Variants in TMCO5A observed in about 807,000 individuals in gnomAD.
TMCO5A encodes transmembrane and coiled-coil domains 5A.
Under a neutral mutation model 42.3 loss-of-function variants are expected in TMCO5A, and 34 were observed. The ratio of observed to expected loss-of-function variants is 0.80; its 90% CI spans 0.61 to 1.07. TMCO5A has a LOEUF of 1.07. Ranked by LOEUF, TMCO5A falls within the 50% of genes least tolerant of loss-of-function variation. TMCO5A has a pLI of 0.00. For synonymous variants in TMCO5A, 131 were observed against 115.6 expected (o/e 1.13, Z -0.86); for missense variants, 357 against 327.9 (o/e 1.09, Z -0.69).
the TMCO5A span, among the ~76,000 whole-genome samples, chr15:38,003,666 C>T: frequency 6.6e-6 from 1 of 152,044 alleles, no homozygotes; most frequent in Non-Finnish European, 1.5e-5. Context: ...GAGTCTCTCC[C>T]CATGGTCACC....
At chr15:37,965,469 A>G (rs1890534838) in intron 11 of TMCO5A, among the ~76,000 whole-genome samples, 1 of 152,180 alleles carries the variant, frequency 6.6e-6, no homozygotes, top group Non-Finnish European at 1.5e-5. Context: ...AAGTGAAGAG[A>G]CACTTCACAG....
intron 2 of TMCO5A, among the ~76,000 whole-genome samples, chr15:37,935,600 A>T (rs1323489358): frequency 6.6e-6 from 1 of 152,120 alleles, no homozygotes; most frequent in African/African-American, 2.4e-5. Context: ...CAAACCAATG[A>T]ATTAATTTAC....
the TMCO5A span, among the ~76,000 whole-genome samples, chr15:37,996,753 A>T: frequency 6.6e-6 from 1 of 152,166 alleles, no homozygotes; most frequent in African/African-American, 2.4e-5. Context: ...TAACAATGAT[A>T]ACCATGAGCA....
chr15:37,940,561 T>C (rs1889696152), intron 6 of TMCO5A, among the ~76,000 whole-genome samples: 1 of 152,170 alleles, frequency 6.6e-6, no homozygotes, highest in Non-Finnish European at 1.5e-5. Context: ...TTTTTTTTCC[T>C]TCATAGCACA....
intron 11 of TMCO5A, among the ~76,000 whole-genome samples, chr15:37,965,716 T>C (rs111262761): frequency 0.027 from 4,102 of 152,216 alleles, 158 homozygotes; most frequent in African/African-American, 0.079. Flanking sequence ...AGATATCATC[T>C]CACCCCAGTT....
intron 11 of TMCO5A, among the ~76,000 whole-genome samples, chr15:37,950,103 A>T (rs1890107610): frequency 6.6e-6 from 1 of 152,306 alleles, no homozygotes; most frequent in East Asian, 1.9e-4. Flanking sequence ...TTTATGGTGT[A>T]ATCTAGGAAG....
the TMCO5A span, among the ~76,000 whole-genome samples, chr15:38,023,031 C>A: frequency 2.0e-5 from 3 of 152,170 alleles, no homozygotes; most frequent in East Asian, 3.9e-4. Flanking sequence ...CAATAAAAAT[C>A]CCAGTGGCTT....
At chr15:38,007,373 G>A in the TMCO5A span, among the ~76,000 whole-genome samples, 3 of 152,134 alleles carry the variant, frequency 2.0e-5, no homozygotes, top group African/African-American at 7.2e-5. Context: ...GCTCTTTTAT[G>A]GGAAGCTCTT....
At chr15:37,940,049 G>A (rs1374671251) in intron 6 of TMCO5A, among the ~76,000 whole-genome samples, 1 of 152,010 alleles carries the variant, frequency 6.6e-6, no homozygotes, top group Non-Finnish European at 1.5e-5. Flanking sequence ...CTATCCTTTT[G>A]CAAGCCACCA....
intron 11 of TMCO5A, among the ~76,000 whole-genome samples, chr15:37,962,099 G>T (rs1348411700): frequency 6.6e-6 from 1 of 151,970 alleles, no homozygotes; most frequent in Non-Finnish European, 1.5e-5. Flanking sequence ...GTGAGAGTGG[G>T]CATCCTTCTC....
At chr15:37,982,404 C>T in the TMCO5A span, among the ~76,000 whole-genome samples, 1 of 104,280 alleles carries the variant, frequency 9.6e-6, no homozygotes, top group Non-Finnish European at 1.8e-5. Flanking sequence ...AATCTTATGT[C>T]TTTATAATTC....
At chr15:37,974,303 A>AT in the TMCO5A span, among the ~76,000 whole-genome samples, 1 of 152,070 alleles carries the variant, frequency 6.6e-6, no homozygotes, top group Non-Finnish European at 1.5e-5. Context: ...TCCCTTCTCA[A>AT]TTTTTTGAAA....
chr15:37,971,037 G>C (rs563526651), downstream of TMCO5A, among the ~76,000 whole-genome samples: 1 of 152,338 alleles, frequency 6.6e-6, no homozygotes, highest in African/African-American at 2.4e-5. Context: ...AGCTCCACTA[G>C]GCAGTGCCCC....
the TMCO5A span, among the ~76,000 whole-genome samples, chr15:38,003,860 G>A: frequency 1.3e-5 from 2 of 151,976 alleles, no homozygotes. Flanking sequence ...CTGGAATCAG[G>A]AACCCCAGGA....
downstream of TMCO5A, among the ~76,000 whole-genome samples, chr15:37,954,399 A>G (rs1330729081): frequency 6.6e-6 from 1 of 152,142 alleles, no homozygotes; most frequent in Non-Finnish European, 1.5e-5. Context: ...GACTGCCATG[A>G]TATATTTGAA....
At chr15:37,990,324 T>A in the TMCO5A span, among the ~76,000 whole-genome samples, 1 of 152,120 alleles carries the variant, frequency 6.6e-6, no homozygotes, top group Non-Finnish European at 1.5e-5. Context: ...AATTATTATA[T>A]CTTTTTCCTG....
chr15:37,946,666 G>C (rs115444441), intron 10 of TMCO5A, among the ~76,000 whole-genome samples: 2,494 of 151,918 alleles, frequency 0.016, 78 homozygotes, highest in African/African-American at 0.057. Context: ...TCTGCTTGAC[G>C]GTTGTTGGTG....
intron 11 of TMCO5A, 39 bp downstream of exon 11, chr15:37,947,735 G>A (rs774518269): frequency 7.0e-7 from 1 of 1,437,028 alleles, no homozygotes; most frequent in Non-Finnish European, 9.7e-7. Context: ...CTATAAAATT[G>A]GGAGCCCTAT....
the TMCO5A span, among the ~76,000 whole-genome samples, chr15:38,020,879 T>C: frequency 1.3e-5 from 2 of 152,138 alleles, no homozygotes; most frequent in African/African-American, 4.8e-5. Context: ...TAGGTAAACT[T>C]TGTTGGTTTA....
Sources: allele counts gnomAD v4.1 joint callset (sites outside exome capture counted in the v4.1 genomes callset), GRCh38; gene constraint gnomAD v4.1.1; transcripts MANE v1.5; gene names NCBI Gene and HGNC (gene_info 2026-07-23, HGNC 2026-07-21).